Variants in CSMD1 observed in about 807,000 individuals in gnomAD.
CSMD1 encodes CUB and Sushi multiple domains 1.
A neutral mutation model predicts 417.5 loss-of-function variants in CSMD1; 213 were observed. The observed-to-expected ratio is 0.51, with a 90% confidence interval of 0.46 to 0.57. The LOEUF (loss-of-function observed/expected upper bound fraction) is 0.57. Ranked by LOEUF, CSMD1 falls within the 20% of genes least tolerant of loss-of-function variation. The probability of loss-of-function intolerance (pLI) is 0.00; values close to 1 mark genes in which losing one functional copy is unlikely to be tolerated. For synonymous variants in CSMD1, 2,862 were observed against 1,736.8 expected, an observed-to-expected ratio of 1.65 and a Z score of -16.11; for missense variants, 6,923 against 4,529.7, an observed-to-expected ratio of 1.53 and a Z score of -15.17.
intron 1 of CSMD1, among the ~76,000 whole-genome samples, chr8:4,645,594 C>G (rs144373082): frequency 1.3e-5 from 2 of 151,836 alleles, no homozygotes; most frequent in African/African-American, 2.4e-5. Context: ...TGCGGGATGA[C>G]GAGGCTGCCC....
At chr8:4,754,864 T>C (rs992763371) in intron 1 of CSMD1, among the ~76,000 whole-genome samples, 1 of 144,588 alleles carries the variant, frequency 6.9e-6, no homozygotes, top group Non-Finnish European at 1.5e-5. Context: ...GTCGGATGAG[T>C]GTGGTGGTTC....
intron 5 of CSMD1, among the ~76,000 whole-genome samples, chr8:3,887,066 A>C (rs1276827739): frequency 6.6e-6 from 1 of 152,142 alleles, no homozygotes; most frequent in African/African-American, 2.4e-5. Context: ...CCTACACATC[A>C]AGACACAATC....
intron 3 of CSMD1, among the ~76,000 whole-genome samples, chr8:4,079,992 C>T (rs914101637): frequency 4.0e-5 from 6 of 149,364 alleles, no homozygotes; most frequent in African/African-American, 1.2e-4. Flanking sequence ...AAATTATGTT[C>T]GAATATTGGT....
intron 55 of CSMD1, among the ~76,000 whole-genome samples, chr8:2,976,506 C>T (rs1264645562): frequency 1.3e-5 from 2 of 152,096 alleles, no homozygotes; most frequent in Non-Finnish European, 2.9e-5. Flanking sequence ...CCACCATGCC[C>T]CACTAGTTTT....
chr8:4,825,219 C>G (rs1307461813), intron 1 of CSMD1, among the ~76,000 whole-genome samples: 2 of 152,056 alleles, frequency 1.3e-5, no homozygotes, highest in African/African-American at 4.8e-5. Flanking sequence ...AAATACTGCA[C>G]GTTTAATATA....
At chr8:3,961,668 T>G (rs1390914679) in intron 5 of CSMD1, among the ~76,000 whole-genome samples, 1 of 152,104 alleles carries the variant, frequency 6.6e-6, no homozygotes, top group African/African-American at 2.4e-5. Flanking sequence ...AAATAATAAA[T>G]AAAGTGAAAG....
intron 5 of CSMD1, among the ~76,000 whole-genome samples, chr8:3,831,029 C>T (rs1289503885): frequency 6.6e-6 from 1 of 152,116 alleles, no homozygotes; most frequent in Admixed American, 6.6e-5. Flanking sequence ...CTGAAGGCAG[C>T]TTAATGCGCG....
chr8:3,663,854 C>A (rs1048808601), intron 7 of CSMD1, among the ~76,000 whole-genome samples: 1 of 152,128 alleles, frequency 6.6e-6, no homozygotes, highest in Non-Finnish European at 1.5e-5. Flanking sequence ...TTATCAGGAT[C>A]TTCTGAGGTT....
At chr8:4,583,954 G>C (rs1358482525) in intron 2 of CSMD1, among the ~76,000 whole-genome samples, 2 of 152,002 alleles carry the variant, frequency 1.3e-5, no homozygotes, top group East Asian at 1.9e-4. Flanking sequence ...AAAGTCTGCA[G>C]CTTCACTCCT....
intron 5 of CSMD1, among the ~76,000 whole-genome samples, chr8:3,951,755 A>C (rs1811615485): frequency 6.6e-6 from 1 of 152,184 alleles, no homozygotes; most frequent in Non-Finnish European, 1.5e-5. Context: ...GTAATAGATG[A>C]GTAGAAAATG....
At chr8:3,036,903 T>G (rs544715912) in intron 50 of CSMD1, among the ~76,000 whole-genome samples, 1 of 152,166 alleles carries the variant, frequency 6.6e-6, no homozygotes, top group Non-Finnish European at 1.5e-5. Flanking sequence ...TTTCTGGGAT[T>G]TCAGTGCACC....
chr8:4,042,270 C>A (rs1198976520), intron 3 of CSMD1, among the ~76,000 whole-genome samples: 1 of 152,094 alleles, frequency 6.6e-6, no homozygotes, highest in Non-Finnish European at 1.5e-5. Flanking sequence ...AAGAAAAAAT[C>A]TTTAAAGCAT....
chr8:4,900,247 C>G (rs937560557), intron 1 of CSMD1, among the ~76,000 whole-genome samples: 4 of 152,170 alleles, frequency 2.6e-5, no homozygotes, highest in Admixed American at 2.6e-4. Context: ...CGAGCTTCAC[C>G]TGCCAGTGTC....
At chr8:4,712,310 T>G (rs775247028) in intron 1 of CSMD1, among the ~76,000 whole-genome samples, 4 of 152,230 alleles carry the variant, frequency 2.6e-5, no homozygotes, top group Non-Finnish European at 4.4e-5. Context: ...TGTAATTTAA[T>G]GATGGTCACT....
chr8:4,398,887 T>TA (rs1227918221), intron 3 of CSMD1, among the ~76,000 whole-genome samples: 2 of 152,184 alleles, frequency 1.3e-5, no homozygotes, highest in African/African-American at 4.8e-5. Context: ...ACATTCTCAA[T>TA]AAAAAATAAA....
At chr8:4,333,487 T>C (rs1799990389) in intron 3 of CSMD1, among the ~76,000 whole-genome samples, 1 of 152,168 alleles carries the variant, frequency 6.6e-6, no homozygotes, top group Admixed American at 6.6e-5. Flanking sequence ...TATATTAGTA[T>C]GATTATGTGT....
intron 10 of CSMD1, among the ~76,000 whole-genome samples, chr8:3,544,215 T>G (rs1316806037): frequency 2.0e-5 from 3 of 152,126 alleles, no homozygotes; most frequent in African/African-American, 7.2e-5. Flanking sequence ...TGATAACGTT[T>G]ACTAAACAGA....
intron 3 of CSMD1, among the ~76,000 whole-genome samples, chr8:4,340,568 G>C (rs549369135): frequency 3.3e-5 from 5 of 152,050 alleles, no homozygotes; most frequent in Non-Finnish European, 2.9e-5. Context: ...GCAATTCAGG[G>C]ACAAAACCCA....
intron 3 of CSMD1, among the ~76,000 whole-genome samples, chr8:4,153,975 T>C (rs900568031): frequency 6.6e-6 from 1 of 152,296 alleles, no homozygotes; most frequent in Non-Finnish European, 1.5e-5. Flanking sequence ...AGCAAATTAC[T>C]GAGAAGGCAG....
Sources: allele counts gnomAD v4.1 joint callset (sites outside exome capture counted in the v4.1 genomes callset), GRCh38; gene constraint gnomAD v4.1.1; transcripts MANE v1.5; gene names NCBI Gene and HGNC (gene_info 2026-07-23, HGNC 2026-07-21).